The following BCAS3 variants were observed in gnomAD, a reference collection of about 807,000 sequenced individuals.
The protein encoded by BCAS3 is BCAS4/BCAS3 fusion.
BCAS3 carries 53 observed loss-of-function variants against 116.1 expected under a neutral mutation model. The observed-to-expected ratio is 0.46, with a 90% confidence interval of 0.37 to 0.57. BCAS3 has a LOEUF of 0.57. BCAS3 is among the 20% of genes least tolerant of loss of function. BCAS3 has a pLI of 0.00. For synonymous variants in BCAS3, 391 were observed against 408.2 expected, an observed-to-expected ratio of 0.96 and a Z score of 0.51; for missense variants, 917 against 1,165.4, an observed-to-expected ratio of 0.79 and a Z score of 3.10.
Position 60,713,011 on chromosome 17 carries a change from A to G in BCAS3, c.321+3686A>G, listed in dbSNP as rs144136873. Among the ~76,000 whole-genome samples, 1,075 of 152,262 alleles carry G rather than the reference A, an allele frequency of 7.1e-3. 13 individuals are homozygous for G. Among genetic ancestry groups the G allele is most frequent in the African/African-American group, 0.024 (997 of 41,556 alleles). On this transcript the variant is annotated intron_variant, in intron 5 of 23. Transcript: ENST00000407086. ...TCATTTCTCGGTTTTCCATCCTGTAATTTGAGATTAATCTTCTCTGGTTGA... is the reference window on the plus strand; with the variant it reads ...TCATTTCTCGGTTTTCCATCCTGTAGTTTGAGATTAATCTTCTCTGGTTGA...
intron 10 of BCAS3, among the ~76,000 whole-genome samples, chr17:60,892,264 G>A (rs1164300643): frequency 1.3e-5 from 2 of 151,244 alleles, no homozygotes; most frequent in East Asian, 3.9e-4. Flanking sequence ...CAGTGTATAA[G>A]CATCCCCTTT....
intron 15 of BCAS3, among the ~76,000 whole-genome samples, chr17:61,009,248 C>A (rs2064940917): frequency 6.6e-6 from 1 of 152,006 alleles, no homozygotes; most frequent in Non-Finnish European, 1.5e-5. Context: ...GCAAATGAAG[C>A]TTTGCCGTTT....
At position 61,132,391 on chromosome 17, in the gene BCAS3, G is replaced by T. The variant is rs2076389177; in HGVS notation, c.2425+47827G>T. Reference sequence around the variant, plus strand: ...AGATAATTATGGTTGCTTGACCTGGGTCTTGGGGCATCTACCAAATCTTAA... The same window carrying T: ...AGATAATTATGGTTGCTTGACCTGGTTCTTGGGGCATCTACCAAATCTTAA... On this transcript the variant is annotated intron_variant, in intron 22 of 23. Transcript: ENST00000407086. The surrounding 1 kb of genome is among the most constrained non-coding windows in gnomAD (Gnocchi z 5.1). Among the ~76,000 whole-genome samples, 1 of 152,186 alleles carries T rather than the reference G, an allele frequency of 6.6e-6. No homozygotes were observed. The highest frequency in any genetic ancestry group is 6.5e-5 in the Admixed American group (1 of 15,284).
chr17:60,848,840 CAAAA>C (rs79372456), intron 7 of BCAS3, among the ~76,000 whole-genome samples: 1 of 118,760 alleles, frequency 8.4e-6, no homozygotes. Context: ...GCTGGGACTA[CAAAA>C]AAAAAAAAAA....
chr17:61,128,631 T>G lies in BCAS3; in HGVS notation c.2425+44067T>G. The stretch of plus-strand genomic sequence containing the variant: ...AAAGCAAGTAACCCAGCAGAGTTTG[T>G]GACAGAAACTGTTAGCCCTCTTTTG... On this transcript the variant is annotated intron_variant, in intron 22 of 23. Coordinates refer to ENST00000407086, the MANE Select transcript of BCAS3 (RefSeq NM_017679.5). The surrounding 1 kb of genome is among the most constrained non-coding windows in gnomAD (Gnocchi z 4.1). 1 of 972,272 alleles carries G rather than the reference T, an allele frequency of 1.0e-6. No homozygotes were observed. The highest frequency in any genetic ancestry group is 1.2e-6 in the Non-Finnish European group (1 of 817,976). The allele number at this position is 972,272 out of a possible 1,614,324, so 60.2% of individuals were successfully genotyped here.
intron 11 of BCAS3, among the ~76,000 whole-genome samples, chr17:60,906,457 A>G (rs1444084433): frequency 1.3e-5 from 2 of 152,154 alleles, no homozygotes; most frequent in Non-Finnish European, 2.9e-5. Context: ...CTTGGAGGGA[A>G]TGTCACCAAG....
At chr17:61,003,455 C>T (rs1233554773) in intron 15 of BCAS3, among the ~76,000 whole-genome samples, 1 of 134,400 alleles carries the variant, frequency 7.4e-6, no homozygotes, top group African/African-American at 2.8e-5. Context: ...TTCTTGTCTC[C>T]CTTTCTTTGC....
intron 22 of BCAS3, among the ~76,000 whole-genome samples, chr17:61,329,691 A>G (rs1227512549): frequency 6.6e-6 from 1 of 152,084 alleles, no homozygotes; most frequent in Non-Finnish European, 1.5e-5. Flanking sequence ...TTTGAAGAGA[A>G]CAGAAGTGAG....
chr17:60,768,472 C>A (rs923858493), intron 6 of BCAS3, among the ~76,000 whole-genome samples: 1 of 152,344 alleles, frequency 6.6e-6, no homozygotes, highest in South Asian at 2.1e-4. Flanking sequence ...ATGCTTCCTG[C>A]TGTCGAACAT....
In BCAS3 at chr17:61,333,301, A is replaced by G. The variant is rs1438714481; in HGVS notation, c.2426-35026A>G. Among the ~76,000 whole-genome samples the G allele has an allele frequency of 2.0e-5, 3 of 152,164 alleles. No individual in the cohort carries two copies. The highest frequency in any genetic ancestry group is 4.4e-5 in the Non-Finnish European group (3 of 68,034). ...TCGGTCTTGGAAAAGCTCCATCTTCAGAGGGGTTTGTGCCCAGCAGCTGAT... is the reference window on the plus strand; with the variant it reads ...TCGGTCTTGGAAAAGCTCCATCTTCGGAGGGGTTTGTGCCCAGCAGCTGAT... On this transcript the variant is annotated intron_variant, in intron 22 of 23. Coordinates refer to ENST00000407086, the MANE Select transcript of BCAS3 (RefSeq NM_017679.5). This position sits in a 1 kb window ranked among gnomAD's most constrained non-coding sequence, Gnocchi z 4.8.
chr17:60,808,162 G>A (rs943430466), intron 7 of BCAS3, 86 bp downstream of exon 7: 3 of 913,030 alleles, frequency 3.3e-6, no homozygotes, highest in Non-Finnish European at 5.1e-6. Flanking sequence ...TAAAACCTTT[G>A]TAACCATAAG....
chr17:60,911,123 CTTTTTTTTT>C (rs1162942971), intron 12 of BCAS3, among the ~76,000 whole-genome samples: 1 of 88,256 alleles, frequency 1.1e-5, no homozygotes, highest in Non-Finnish European at 2.0e-5. Flanking sequence ...TTTTTTCTTT[CTTTTTTTTT>C]TTTTTTTTGA....
At chr17:61,067,200 AG>A (rs1277481578) in intron 19 of BCAS3, among the ~76,000 whole-genome samples, 1 of 146,346 alleles carries the variant, frequency 6.8e-6, no homozygotes, top group Non-Finnish European at 1.5e-5. Context: ...TTTATTATAT[AG>A]GATTCAGACC....
intron 22 of BCAS3, among the ~76,000 whole-genome samples, chr17:61,269,519 A>T (rs150719321): frequency 1.5e-4 from 23 of 152,294 alleles, no homozygotes; most frequent in Non-Finnish European, 2.5e-4. Context: ...GCTGTTTTCC[A>T]TAGTGACTAC....
At chr17:61,284,753 C>T (rs907761662) in intron 22 of BCAS3, among the ~76,000 whole-genome samples, 1 of 151,822 alleles carries the variant, frequency 6.6e-6, no homozygotes, top group African/African-American at 2.4e-5. Context: ...TAAGGCCATG[C>T]CAGTTGTTGC....
intron 22 of BCAS3, among the ~76,000 whole-genome samples, chr17:61,296,427 A>G (rs889539894): frequency 2.0e-5 from 3 of 152,140 alleles, no homozygotes; most frequent in Admixed American, 6.5e-5. Flanking sequence ...TCCAAACTTC[A>G]GGTTCTCTGT....
chr17:61,386,168 G>A (rs981628874), intron 23 of BCAS3, among the ~76,000 whole-genome samples: 1 of 152,158 alleles, frequency 6.6e-6, no homozygotes, highest in South Asian at 2.1e-4. Flanking sequence ...CCTCATGTTC[G>A]GGAACCTGAG....
intron 18 of BCAS3, among the ~76,000 whole-genome samples, chr17:61,040,535 T>C (rs1465119901): frequency 6.6e-6 from 1 of 152,254 alleles, no homozygotes; most frequent in Non-Finnish European, 1.5e-5. Context: ...TTGCCTATCC[T>C]GTTGGAGGGT....
rs2191164 is a variant in BCAS3 at position 61,199,591 on chromosome 17, G to A, written c.2425+115027G>A. 0.89 allele frequency among the ~76,000 whole-genome samples: 135,266 copies of A among 152,244 alleles called. 60,682 individuals are homozygous for A. The highest frequency in any genetic ancestry group is 0.96 in the Non-Finnish European group (65,479 of 68,040). On this transcript the variant is annotated intron_variant, in intron 22 of 23. Coordinates refer to ENST00000407086, the MANE Select transcript of BCAS3 (RefSeq NM_017679.5). The surrounding 1 kb of genome is among the most constrained non-coding windows in gnomAD (Gnocchi z 4.6). ...AAAGGTTAGAACTGGGATAATAACT[G>A]TGATGAACAAGTTATTCAAGAAATA...
Sources: gnomAD v4.1 joint callset for allele counts (sites outside exome capture counted in the v4.1 genomes callset) on GRCh38, gnomAD v4.1.1 for gene constraint, Gnocchi (gnomAD v3.1) non-coding constraint, MANE v1.5 for transcripts, NCBI Gene and HGNC (gene_info 2026-07-23, HGNC 2026-07-21) for gene names.